The following CAMK4 variants were observed in gnomAD, a reference collection of about 807,000 sequenced individuals.
The protein encoded by CAMK4 is calcium/calmodulin dependent protein kinase IV, also known as calcium/calmodulin-dependent protein kinase type IV.
CAMK4 carries 22 observed loss-of-function variants against 44.9 expected under a neutral mutation model. The ratio of observed to expected loss-of-function variants is 0.49; its 90% CI spans 0.35 to 0.70. The LOEUF is 0.70. Among genes scored for constraint, CAMK4 ranks in the 30% least tolerant of loss-of-function variants. The pLI is 0.01. For synonymous variants in CAMK4, 218 were observed against 215.4 expected, an observed-to-expected ratio of 1.01 and a Z score of -0.11; for missense variants, 498 against 586.8, an observed-to-expected ratio of 0.85 and a Z score of 1.56.
At position 111,484,658 on chromosome 5, in the gene CAMK4, T is replaced by C. The variant is rs1027359319; in HGVS notation, c.*192T>C. ...TTTATGAAAATAATAGTGTCTTCTA[T>C]GGCATGTAATGGATACCTAATACCG... On this transcript the variant is annotated 3_prime_UTR_variant, in exon 11 of 11. Transcript: ENST00000282356. The surrounding 1 kb of genome is among the most constrained non-coding windows in gnomAD (Gnocchi z 5.3). 15 of 406,858 alleles carry C rather than the reference T, an allele frequency of 3.7e-5. No individual in the cohort carries two copies. Among genetic ancestry groups the C allele is most frequent in the African/African-American group, 3.1e-4 (15 of 48,758 alleles). 25.2% of individuals were successfully genotyped at this position (406,858 alleles called of 1,614,324 possible).
chr5:111,444,240 C>T (rs539540816), intron 5 of CAMK4, among the ~76,000 whole-genome samples: 12 of 152,150 alleles, frequency 7.9e-5, no homozygotes, highest in Non-Finnish European at 1.6e-4. Context: ...GTACAGATTT[C>T]GTAGCCTCTT....
intron 1 of CAMK4, among the ~76,000 whole-genome samples, chr5:111,245,364 G>A (rs1423475778): frequency 1.3e-5 from 2 of 152,076 alleles, no homozygotes; most frequent in South Asian, 2.1e-4. Flanking sequence ...TTAATTTATT[G>A]TTGATAATAA....
intron 5 of CAMK4, among the ~76,000 whole-genome samples, chr5:111,445,599 A>G (rs1753997589): frequency 6.6e-6 from 1 of 152,050 alleles, no homozygotes; most frequent in African/African-American, 2.4e-5. Flanking sequence ...CTGGCTTTTT[A>G]AAATTTTTCA....
At chr5:111,336,310 A>G (rs945952338) in intron 1 of CAMK4, among the ~76,000 whole-genome samples, 3 of 151,236 alleles carry the variant, frequency 2.0e-5, no homozygotes, top group African/African-American at 7.3e-5. Context: ...TTTTGAAATG[A>G]AGATGCAACA....
rs1561475424 is a variant in CAMK4, at chr5:111,418,894, A to G, written c.459+24112A>G. Among the ~76,000 whole-genome samples, 3 of 152,172 alleles carry G rather than the reference A, an allele frequency of 2.0e-5. No individual in the cohort carries two copies. The South Asian group carries it at 6.2e-4, about 32-fold the overall frequency. On this transcript the variant is annotated intron_variant, in intron 5 of 10. Coordinates refer to ENST00000282356, the MANE Select transcript of CAMK4 (RefSeq NM_001744.6). ...TCTTTGCTATTGTGAATAGTGCCGC[A>G]ATAAACATATGTGTGCATGTGTCTT...
intron 1 of CAMK4, among the ~76,000 whole-genome samples, chr5:111,287,063 G>A (rs911341806): frequency 4.6e-5 from 7 of 152,262 alleles, no homozygotes; most frequent in African/African-American, 1.4e-4. Flanking sequence ...GATGCTGATT[G>A]GTGGAAATAC....
intron 1 of CAMK4, among the ~76,000 whole-genome samples, chr5:111,333,689 C>A (rs1242897183): frequency 6.6e-6 from 1 of 151,594 alleles, no homozygotes; most frequent in Non-Finnish European, 1.5e-5. Flanking sequence ...AAAGTCACAA[C>A]TGGATGCTGT....
At chr5:111,318,389 C>T (rs1748523101) in intron 1 of CAMK4, among the ~76,000 whole-genome samples, 1 of 152,156 alleles carries the variant, frequency 6.6e-6, no homozygotes, top group Admixed American at 6.6e-5. Context: ...AAGTGAGGCT[C>T]ATTCAATACT....
rs558525378 is a variant in CAMK4, at chr5:111,342,596, A to T, written c.162-1428A>T. 2.0e-5 allele frequency among the ~76,000 whole-genome samples: 3 copies of T among 151,528 alleles called. No homozygotes were observed. In the East Asian group the frequency reaches 5.8e-4, roughly 30 times the overall value. On this transcript the variant is annotated intron_variant, in intron 1 of 10. Transcript: ENST00000282356. ...TATCCAATCTGCTCTTTAAGTTTTA[A>T]TTAACAGTTTATAATGTTTACATTT...
intron 5 of CAMK4, among the ~76,000 whole-genome samples, chr5:111,415,653 T>C (rs1752789181): frequency 6.6e-6 from 1 of 152,054 alleles, no homozygotes; most frequent in South Asian, 2.1e-4. Flanking sequence ...TCCCCACAGA[T>C]AAAGGGAACT....
At chr5:111,454,460 T>C (rs762714365) in intron 7 of CAMK4, among the ~76,000 whole-genome samples, 5 of 152,158 alleles carry the variant, frequency 3.3e-5, no homozygotes, top group Non-Finnish European at 7.4e-5. Flanking sequence ...TGCTTCATGT[T>C]TAAGCAAATA....
At chr5:111,437,696 G>T (rs1218862005) in intron 5 of CAMK4, among the ~76,000 whole-genome samples, 1 of 152,168 alleles carries the variant, frequency 6.6e-6, no homozygotes, top group Non-Finnish European at 1.5e-5. Flanking sequence ...AAAGGGCTCA[G>T]GCAGGGAACA....
intron 1 of CAMK4, among the ~76,000 whole-genome samples, chr5:111,258,011 G>A (rs1241333485): frequency 2.0e-5 from 3 of 152,148 alleles, no homozygotes; most frequent in Non-Finnish European, 4.4e-5. Context: ...GCACGGGGAG[G>A]GTGTCGGGGG....
At chr5:111,430,573 A>T (rs1282333054) in intron 5 of CAMK4, among the ~76,000 whole-genome samples, 1 of 152,260 alleles carries the variant, frequency 6.6e-6, no homozygotes, top group East Asian at 1.9e-4. Context: ...ACTCCACAAG[A>T]AAACCATTCG....
At chr5:111,322,177 C>G (rs915295163) in intron 1 of CAMK4, among the ~76,000 whole-genome samples, 1 of 152,024 alleles carries the variant, frequency 6.6e-6, no homozygotes, top group Non-Finnish European at 1.5e-5. Context: ...CCTGGATTCT[C>G]TAACTGGGAC....
intron 2 of CAMK4, among the ~76,000 whole-genome samples, chr5:111,364,643 C>T (rs1328750701): frequency 1.3e-5 from 2 of 152,006 alleles, no homozygotes; most frequent in Non-Finnish European, 2.9e-5. Flanking sequence ...GTTAAGCTTC[C>T]CAGAGGCACT....
At chr5:111,474,405 G>A (rs759356153) in intron 8 of CAMK4, among the ~76,000 whole-genome samples, 9 of 152,148 alleles carry the variant, frequency 5.9e-5, no homozygotes, top group African/African-American at 1.7e-4. Flanking sequence ...CCCTCTCACG[G>A]TGTCCTCACA....
intron 7 of CAMK4, among the ~76,000 whole-genome samples, chr5:111,460,950 CAG>C (rs1754623369): frequency 6.6e-6 from 1 of 151,802 alleles, no homozygotes; most frequent in Non-Finnish European, 1.5e-5. Flanking sequence ...GGGAAATAAA[CAG>C]ACTATTTTCA....
chr5:111,346,069 C>T (rs868360220), intron 2 of CAMK4, among the ~76,000 whole-genome samples: 3 of 151,820 alleles, frequency 2.0e-5, no homozygotes, highest in South Asian at 2.1e-4. Flanking sequence ...GATGTGTAAA[C>T]GAGAGAAATA....
Sources: allele counts gnomAD v4.1 joint callset (sites outside exome capture counted in the v4.1 genomes callset), GRCh38; gene constraint gnomAD v4.1.1; non-coding constraint Gnocchi (gnomAD v3.1); transcripts MANE v1.5; gene names NCBI Gene and HGNC (gene_info 2026-07-23, HGNC 2026-07-21).